The following NR2C2 variants were observed in gnomAD, a reference collection of about 807,000 sequenced individuals.
NR2C2 encodes Nuclear hormone receptor TR4.
In NR2C2, 6 loss-of-function variants were observed where a neutral mutation model predicts 62.9. The ratio of observed to expected loss-of-function variants is 0.10; its 90% CI spans 0.05 to 0.19. NR2C2 has a LOEUF of 0.19. Among genes scored for constraint, NR2C2 ranks in the 10% least tolerant of loss-of-function variants. NR2C2 has a pLI of 1.00. For synonymous variants in NR2C2, 272 were observed against 273.8 expected, an observed-to-expected ratio of 0.99 and a Z score of 0.07; for missense variants, 479 against 762.7, an observed-to-expected ratio of 0.63 and a Z score of 4.38.
intron 1 of NR2C2, among the ~76,000 whole-genome samples, chr3:14,990,544 ATGGAATCTGCAC>A (rs1182164588): frequency 1.3e-5 from 2 of 152,178 alleles, no homozygotes; most frequent in African/African-American, 4.8e-5. Context: ...GTTTGGGTGA[ATGGAATCTGCAC>A]TGGCAGGGTT....
chr3:14,972,174 C>CTTTT (rs527677356), intron 1 of NR2C2, among the ~76,000 whole-genome samples: 3 of 117,082 alleles, frequency 2.6e-5, no homozygotes, highest in Admixed American at 8.6e-5. Flanking sequence ...CTTTTTCTTT[C>CTTTT]TTTTTTTTTT....
Position 14,966,792 on chromosome 3 carries a change from C to T in NR2C2, c.-40+18886C>T, listed in dbSNP as rs2039870781. 2.0e-5 allele frequency among the ~76,000 whole-genome samples: 3 copies of T among 152,260 alleles called. No homozygotes were observed. In the South Asian group the frequency reaches 6.2e-4, roughly 32 times the overall value. Reference sequence around the variant, plus strand: ...ATAACTTGATGTCCTATAATGTGCTCAAATTTAGTAATTCAGAGAGACAGT... The same window carrying T: ...ATAACTTGATGTCCTATAATGTGCTTAAATTTAGTAATTCAGAGAGACAGT... On this transcript the variant is annotated intron_variant, in intron 1 of 13. Coordinates refer to ENST00000425241, the MANE Select transcript of NR2C2 (RefSeq NM_001291694.2).
chr3:14,981,623 A>AAG (rs1553639444), intron 1 of NR2C2, among the ~76,000 whole-genome samples: 14,928 of 140,148 alleles, frequency 0.11, 1,374 homozygotes, highest in African/African-American at 0.2. Flanking sequence ...AAAAAAAAAA[A>AAG]GAGTATTGAT....
intron 1 of NR2C2, among the ~76,000 whole-genome samples, chr3:14,983,462 T>TACACACACACACAC (rs34788861): frequency 7.7e-4 from 113 of 146,886 alleles, no homozygotes; most frequent in Non-Finnish European, 1.3e-3. Context: ...ATACTCTTTA[T>TACACACACACACAC]ACACACACAC....
At chr3:15,016,005 T>C in intron 3 of NR2C2, 147 bp from the exon 4 acceptor site, 1 of 591,616 alleles carries the variant, frequency 1.7e-6, no homozygotes, top group South Asian at 1.9e-5. Context: ...TTTCACCATG[T>C]TAGTCAGGCT....
intron 13 of NR2C2, among the ~76,000 whole-genome samples, chr3:15,039,888 CG>C (rs2042205422): frequency 6.6e-6 from 1 of 152,152 alleles, no homozygotes; most frequent in Admixed American, 6.6e-5. Flanking sequence ...CGGTGGCTCA[CG>C]CCTGTAATCC....
Position 15,029,792 on chromosome 3 carries a change from A to AATAGATAGATAG in NR2C2, c.933-443_933-432dup, listed in dbSNP as rs144596298. On this transcript the variant is annotated intron_variant, in intron 8 of 13. Coordinates refer to ENST00000425241, the MANE Select transcript of NR2C2 (RefSeq NM_001291694.2). Reference sequence around the variant, plus strand: ...CCCATCTCTGAAAAAGTAAATAAATAATAGATAGATAGATAGATAGATAGA... The same window carrying AATAGATAGATAG: ...CCCATCTCTGAAAAAGTAAATAAATAATAGATAGATAGATAGATAGATAGATAGATAGATAGA... 4.5e-3 allele frequency among the ~76,000 whole-genome samples: 628 copies of AATAGATAGATAG among 139,238 alleles called. 4 individuals are homozygous for AATAGATAGATAG. Among genetic ancestry groups the AATAGATAGATAG allele is most frequent in the East Asian group, 7.4e-3 (35 of 4,754 alleles). 91.3% of individuals were successfully genotyped at this position (139,238 alleles called of 152,430 possible).
At chr3:15,009,811 A>G (rs997158686) in intron 2 of NR2C2, among the ~76,000 whole-genome samples, 1 of 152,180 alleles carries the variant, frequency 6.6e-6, no homozygotes, top group Non-Finnish European at 1.5e-5. Flanking sequence ...CAGCAGGGCC[A>G]TGCTCTCTTA....
intron 3 of NR2C2, among the ~76,000 whole-genome samples, chr3:15,015,256 G>A (rs2041476210): frequency 6.6e-6 from 1 of 152,124 alleles, no homozygotes; most frequent in Non-Finnish European, 1.5e-5. Context: ...AAGGCTTATT[G>A]TTGGCTCAAG....
At chr3:15,019,696 T>TA (rs1039522484) in intron 4 of NR2C2, among the ~76,000 whole-genome samples, 33 of 147,460 alleles carry the variant, frequency 2.2e-4, no homozygotes, top group South Asian at 1.1e-3. Context: ...GTGGAATCCT[T>TA]AAAAAAAAAA....
At chr3:14,979,350 A>C (rs2040297091) in intron 1 of NR2C2, among the ~76,000 whole-genome samples, 1 of 152,234 alleles carries the variant, frequency 6.6e-6, no homozygotes, top group Non-Finnish European at 1.5e-5. Context: ...TAATGTATCC[A>C]TTCAGCAACT....
At chr3:14,976,577 T>G (rs1423623034) in intron 1 of NR2C2, among the ~76,000 whole-genome samples, 1 of 151,308 alleles carries the variant, frequency 6.6e-6, no homozygotes, top group African/African-American at 2.4e-5. Flanking sequence ...AGTCTTTGTT[T>G]TCTTGAGTCT....
In NR2C2 at chr3:14,988,588, T is replaced by G. The variant is rs1004243748; in HGVS notation, c.-39-15288T>G. Among the ~76,000 whole-genome samples the G allele has an allele frequency of 2.0e-5, 3 of 152,242 alleles. No individual in the cohort carries two copies. The South Asian group carries it at 6.2e-4, about 32-fold the overall frequency. Reference sequence around the variant, plus strand: ...ACTTTTTGCTTCCTTTATTAATCTTTCCTTTTACACATACGTAAAGCACAT... The same window carrying G: ...ACTTTTTGCTTCCTTTATTAATCTTGCCTTTTACACATACGTAAAGCACAT... On this transcript the variant is annotated intron_variant, in intron 1 of 13. Coordinates refer to ENST00000425241, the MANE Select transcript of NR2C2 (RefSeq NM_001291694.2).
At chr3:14,961,140 G>C (rs1425119425) in intron 1 of NR2C2, among the ~76,000 whole-genome samples, 1 of 152,154 alleles carries the variant, frequency 6.6e-6, no homozygotes, top group Admixed American at 6.5e-5. Context: ...CTTGAAGACA[G>C]GAGCCAGGTC....
At chr3:15,015,047 T>TA (rs1485278763) in intron 3 of NR2C2, among the ~76,000 whole-genome samples, 7 of 152,182 alleles carry the variant, frequency 4.6e-5, no homozygotes, top group African/African-American at 1.7e-4. Context: ...TTAGACACCT[T>TA]ACGCTACACT....
rs186706035 is a variant in NR2C2 at position 15,047,458 on chromosome 3, C to A, written c.*4450C>A. 6.6e-6 allele frequency: 1 copy of A among 152,236 alleles called. No individual in the cohort carries two copies. Among genetic ancestry groups the A allele is most frequent in the Non-Finnish European group, 1.5e-5 (1 of 68,046 alleles). The allele number at this position is 152,236 out of a possible 1,614,324, so 9.4% of individuals were successfully genotyped here. A position where few individuals can be genotyped will look rare whatever the true frequency, so the allele number is the denominator to read the frequency against. On this transcript the variant is annotated 3_prime_UTR_variant, in exon 14 of 14. Transcript: ENST00000425241. The stretch of plus-strand genomic sequence containing the variant: ...TTTTTAACCTTTTCATGCACCTATT[C>A]ATGGCCCTACCTGGAAGGAACTTGG...
In NR2C2 at chr3:15,034,749, A is replaced by T; in HGVS notation, c.1312A>T (p.Met438Leu). The change falls in exon 11 of 14, where the codon ATG becomes TTG. Residue 438 changes from methionine (M) to leucine (L), a missense_variant. By Grantham distance (15) the Met-to-Leu change is conservative. Transcript: ENST00000425241. ...CGGCCTGGCCCAGTGTGCCCAGGTCATGAGTCTCTCCACCATCCTGGCTGC... is the reference window on the plus strand; with the variant it reads ...CGGCCTGGCCCAGTGTGCCCAGGTCTTGAGTCTCTCCACCATCCTGGCTGC... ...TLGLAQCAQV[M>L]SLSTILAAIV... 6.2e-7 allele frequency: 1 copy of T among 1,614,132 alleles called. No individual in the cohort carries two copies. The highest frequency in any genetic ancestry group is 1.1e-5 in the South Asian group (1 of 91,068).
intron 1 of NR2C2, among the ~76,000 whole-genome samples, chr3:14,996,216 G>A (rs532208999): frequency 6.6e-6 from 1 of 152,168 alleles, no homozygotes; most frequent in South Asian, 2.1e-4. Flanking sequence ...TGCTTCAAGT[G>A]TAATACATTA....
intron 1 of NR2C2, among the ~76,000 whole-genome samples, chr3:14,978,785 T>C (rs1373598622): frequency 6.6e-6 from 1 of 152,230 alleles, no homozygotes; most frequent in Non-Finnish European, 1.5e-5. Context: ...TGAAGATGTG[T>C]TTGATGTCTC....
Sources: gnomAD v4.1 joint callset for allele counts (sites outside exome capture counted in the v4.1 genomes callset) on GRCh38, gnomAD v4.1.1 for gene constraint, MANE v1.5 for transcripts, NCBI Gene and HGNC (gene_info 2026-07-23, HGNC 2026-07-21) for gene names.